Variants in VPS72 observed in about 807,000 individuals in gnomAD.
VPS72 encodes vacuolar protein sorting-associated protein 72 homolog.
In VPS72, 27 loss-of-function variants were observed where a neutral mutation model predicts 38.9. The observed-to-expected ratio is 0.69, with a 90% CI of 0.51 to 0.96. The LOEUF (loss-of-function observed/expected upper bound fraction) is 0.96, where lower values mean the gene tolerates loss of function less well. VPS72 is among the 40% of genes least tolerant of loss of function. VPS72 has a pLI of 0.00. For synonymous variants in VPS72, 173 were observed against 186.3 expected, an observed-to-expected ratio of 0.93 and a Z score of 0.58; for missense variants, 360 against 479.5, an observed-to-expected ratio of 0.75 and a Z score of 2.33.
intron 1 of VPS72, among the ~76,000 whole-genome samples, chr1:151,188,211 C>G (rs1270789595): frequency 1.3e-5 from 2 of 151,978 alleles, no homozygotes; most frequent in African/African-American, 4.8e-5. Flanking sequence ...TAATTTTTTG[C>G]ATTTTTAGTA....
rs779105891 is a variant in VPS72, at chr1:151,176,999, G to T, written c.740C>A (p.Thr247Asn). The change falls in exon 6 of 6, where the codon ACT becomes AAT. Residue 247 changes from threonine to asparagine, a missense_variant. Physicochemically the swap from Thr to Asn is moderately conservative, Grantham distance 65. Coordinates refer to ENST00000368892, the MANE Select transcript of VPS72 (RefSeq NM_005997.3). Reference sequence around the variant, plus strand: ...GACGGGTCCAGTCCCAGCATGAGGAGTCAATGCAGACACCGAGGGAGCAGG... The same window carrying T: ...GACGGGTCCAGTCCCAGCATGAGGATTCAATGCAGACACCGAGGGAGCAGG... Reference protein sequence around the residue: ...LDPAPSVSALTPHAGTGPVNP... With the variant: ...LDPAPSVSALNPHAGTGPVNP... 1.9e-6 allele frequency: 3 copies of T among 1,587,738 alleles called. No homozygotes were observed. Among genetic ancestry groups the T allele is most frequent in the Non-Finnish European group, 2.6e-6 (3 of 1,164,910 alleles).
At position 151,184,421 on chromosome 1, in the gene VPS72, C is replaced by T. The variant is rs1361381575; in HGVS notation, c.458G>A (p.Gly153Asp). 3 of 1,614,048 alleles carry T rather than the reference C, an allele frequency of 1.9e-6. No individual in the cohort carries two copies. The highest frequency in any genetic ancestry group is 2.5e-6 in the Non-Finnish European group (3 of 1,180,038). Residue 153 changes from glycine to aspartate, a missense_variant, in exon 4 of 6, where the codon GGC (glycine) becomes GAC (aspartate). Gly to Asp is a moderately conservative substitution (Grantham distance 94). Around this residue, in one of 2 missense-constraint regions of VPS72, gnomAD observed 294 missense variants for 356.3 expected, o/e 0.83. Transcript: ENST00000368892. The part of the protein sequence containing the change: ...QTFLRVQERQ[G>D]QSRRRKGPHC... The stretch of plus-strand genomic sequence containing the variant: ...GGGCCCCTTTCGCCGTCTTGACTGG[C>T]CCTGCCTCTCCTGTACCCGAAGGAA...
intron 4 of VPS72, among the ~76,000 whole-genome samples, chr1:151,180,073 C>T (rs914987314): frequency 1.3e-5 from 2 of 151,990 alleles, no homozygotes; most frequent in African/African-American, 4.8e-5. Context: ...AATTACAGCA[C>T]TTTGGGAGGC....
intron 4 of VPS72, among the ~76,000 whole-genome samples, chr1:151,183,917 T>G (rs1684292250): frequency 6.6e-6 from 1 of 151,912 alleles, no homozygotes; most frequent in Admixed American, 6.6e-5. Flanking sequence ...AGAGATGGGG[T>G]TTCACTATGT....
chr1:151,178,281 C>T (rs1042278519), intron 4 of VPS72, 136 bp from the exon 5 acceptor site: 2 of 1,212,962 alleles, frequency 1.6e-6, no homozygotes, highest in African/African-American at 3.1e-5. Context: ...CTATGGAAGT[C>T]CCCTAAGGCC....
intron 1 of VPS72, among the ~76,000 whole-genome samples, chr1:151,188,280 C>G (rs2101730901): frequency 6.6e-6 from 1 of 152,316 alleles, no homozygotes; most frequent in South Asian, 2.1e-4. Flanking sequence ...TCGTGATCCA[C>G]CCGCCTCAGC....
rs1324549795 is a variant in VPS72 at position 151,176,562 on chromosome 1, A to AGGGGAGAAGC, written c.*72_*81dup. On this transcript the variant is annotated 3_prime_UTR_variant, in exon 6 of 6. Transcript: ENST00000368892. ...ATTAGGCAAAGATCAGAGATGACAAAGGGGAGAAGCAGGGAGAAGAAACGG... is the reference window on the plus strand; with the variant it reads ...ATTAGGCAAAGATCAGAGATGACAAAGGGGAGAAGCGGGGAGAAGCAGGGAGAAGAAACGG... The AGGGGAGAAGC allele has an allele frequency of 1.3e-6, 2 of 1,537,550 alleles. No individual in the cohort carries two copies. Among genetic ancestry groups the AGGGGAGAAGC allele is most frequent in the Non-Finnish European group, 1.7e-6 (2 of 1,143,694 alleles).
Position 151,186,428 on chromosome 1 carries a change from G to A in VPS72, c.118-478C>T, listed in dbSNP as rs192396930. On this transcript the variant is annotated intron_variant, in intron 1 of 5. Coordinates refer to ENST00000368892, the MANE Select transcript of VPS72 (RefSeq NM_005997.3). The stretch of plus-strand genomic sequence containing the variant: ...ACAAAAATTAGCTGGGCATGGTGAC[G>A]CACACCTGTAGTCCCAGCTACTTGG... Among the ~76,000 whole-genome samples the A allele has an allele frequency of 2.5e-3, 378 of 152,084 alleles. 2 individuals carry two copies. The highest frequency in any genetic ancestry group is 4.4e-3 in the Non-Finnish European group (296 of 67,976).
intron 5 of VPS72, 105 bp downstream of exon 5, chr1:151,177,895 GA>G: frequency 7.7e-7 from 1 of 1,298,900 alleles, no homozygotes; most frequent in Non-Finnish European, 1.1e-6. Context: ...GAATCTGAAA[GA>G]AATCTCCAAG....
chr1:151,182,576 A>T (rs1426613320), intron 4 of VPS72, among the ~76,000 whole-genome samples: 1 of 152,168 alleles, frequency 6.6e-6, no homozygotes, highest in Non-Finnish European at 1.5e-5. Flanking sequence ...CTTCATGGCC[A>T]AGCTTGAAAA....
intron 1 of VPS72, 108 bp from the exon 2 acceptor site, chr1:151,186,058 C>A: frequency 1.5e-6 from 2 of 1,368,876 alleles, no homozygotes; most frequent in Non-Finnish European, 2.0e-6. Flanking sequence ...TACTCTCCTT[C>A]CTAATCCAGC....
At chr1:151,181,890 A>G (rs1684249427) in intron 4 of VPS72, among the ~76,000 whole-genome samples, 2 of 152,100 alleles carry the variant, frequency 1.3e-5, no homozygotes, top group Middle Eastern at 6.8e-3. Flanking sequence ...ACTGTAAGCC[A>G]CATTTTTAAA....
chr1:151,189,599 C>T (rs941402114), intron 1 of VPS72, among the ~76,000 whole-genome samples: 5 of 152,114 alleles, frequency 3.3e-5, no homozygotes, highest in African/African-American at 9.7e-5. Context: ...TGGAGCGGTT[C>T]CTTTCCATGT....
Position 151,190,055 on chromosome 1 carries a change from C to T in VPS72, c.67G>A (p.Ala23Thr). The change falls in exon 1 of 6, where the codon GCA (alanine) becomes ACA (threonine). Residue 23 changes from alanine (A) to threonine (T), a missense_variant. Transcript: ENST00000368892. ...TGGTAGAACTCATCTTCCTCCTCTG[C>T]CTCCAAAAGCCCAGAAAGCCGGTTC... ...AGNRLSGLLE[A>T]EEEDEFYQTT... 1 of 1,614,160 alleles carries T rather than the reference C, an allele frequency of 6.2e-7. No homozygotes were observed. The highest frequency in any genetic ancestry group is 1.3e-5 in the African/African-American group (1 of 75,040).
At chr1:151,179,515 C>T (rs908229553) in intron 4 of VPS72, among the ~76,000 whole-genome samples, 1 of 152,072 alleles carries the variant, frequency 6.6e-6, no homozygotes, top group African/African-American at 2.4e-5. Context: ...AGGAGAATGG[C>T]GTGAACCCAG....
intron 5 of VPS72, 55 bp downstream of exon 5, chr1:151,177,946 G>A: frequency 6.3e-7 from 1 of 1,580,604 alleles, no homozygotes. Flanking sequence ...GCAAAATGGG[G>A]CCAAGAGAAC....
intron 5 of VPS72, 152 bp from the exon 6 acceptor site, chr1:151,177,183 G>A (rs35963163): frequency 2.7e-6 from 2 of 744,794 alleles, no homozygotes; most frequent in African/African-American, 1.8e-5. Flanking sequence ...TCAGGAGTTC[G>A]AGACCAGCCT....
chr1:151,180,046 C>CGGT (rs1684206361), intron 4 of VPS72, among the ~76,000 whole-genome samples: 1 of 151,698 alleles, frequency 6.6e-6, no homozygotes, highest in Admixed American at 6.6e-5. Context: ...AGGCCAGGTG[C>CGGT]GGTGGCTCAT....
At position 151,184,585 on chromosome 1, in the gene VPS72, TTTTTC is replaced by T; in HGVS notation, c.386-97_386-93del. On this transcript the variant is annotated intron_variant, in intron 3 of 5. Transcript: ENST00000368892. ...AAATGTTGTACTTGGAAATAATTTTTTTTTCTTTTTTTTTTTTTGAGATGGAATCT... is the reference window on the plus strand; with the variant it reads ...AAATGTTGTACTTGGAAATAATTTTTTTTTTTTTTTTTTGAGATGGAATCT... The T allele has an allele frequency of 4.4e-6, 6 of 1,351,222 alleles. No individual in the cohort carries two copies. The African/African-American group carries it at 7.4e-5, about 17-fold the overall frequency. 83.7% of individuals were successfully genotyped at this position (1,351,222 alleles called of 1,614,324 possible).
Sources: allele counts gnomAD v4.1 joint callset (sites outside exome capture counted in the v4.1 genomes callset), GRCh38; gene constraint gnomAD v4.1.1; regional missense constraint gnomAD v4.1.1; transcripts MANE v1.5; gene names NCBI Gene and HGNC (gene_info 2026-07-23, HGNC 2026-07-21).